RBBP4: variants seen among roughly 807,000 people sequenced by gnomAD.
RBBP4 encodes RB binding protein 4, chromatin remodeling factor.
In RBBP4, 3 loss-of-function variants were observed where a neutral mutation model predicts 57.2. The observed-to-expected ratio is 0.05, with a 90% CI of 0.02 to 0.14. RBBP4 has a LOEUF of 0.14. Among genes scored for constraint, RBBP4 ranks in the 10% least tolerant of loss-of-function variants. RBBP4 has a pLI of 1.00. For missense variants in RBBP4, 107 were observed against 520.6 expected, an observed-to-expected ratio of 0.21 and a Z score of 7.73; for synonymous variants, 151 against 171.5, an observed-to-expected ratio of 0.88 and a Z score of 0.93.
chr1:32,662,280 C>T (rs775235408), intron 3 of RBBP4: 38 of 282,506 alleles, frequency 1.3e-4, no homozygotes, highest in Admixed American at 1.5e-4. Context: ...CTGCAGCCTC[C>T]GCCTCCTGGG....
intron 9 of RBBP4, 41 bp from the exon 10 acceptor site, chr1:32,672,601 G>A (rs1648924838): frequency 6.2e-7 from 1 of 1,605,794 alleles, no homozygotes; most frequent in African/African-American, 1.3e-5. Flanking sequence ...GTTACTAAGG[G>A]TAAATCTGTT....
intron 3 of RBBP4, among the ~76,000 whole-genome samples, chr1:32,666,016 G>A (rs1341977073): frequency 6.6e-6 from 1 of 152,160 alleles, no homozygotes; most frequent in Non-Finnish European, 1.5e-5. Context: ...AACTCTCTAA[G>A]TGCACATAGT....
At chr1:32,679,196 C>T (rs1472707001) in intron 11 of RBBP4, among the ~76,000 whole-genome samples, 1 of 152,132 alleles carries the variant, frequency 6.6e-6, no homozygotes, top group African/African-American at 2.4e-5. Context: ...ACTCTGGAGG[C>T]TGAGGCAGGA....
rs1470526974 is a variant in RBBP4, at chr1:32,652,069, G to C, written c.164+8G>C. 22 of 1,608,922 alleles carry C rather than the reference G, an allele frequency of 1.4e-5. No individual in the cohort carries two copies. In the Admixed American group the frequency reaches 3.7e-4, roughly 27 times the overall value. On this transcript the variant is annotated splice_region_variant and intron_variant, in intron 2 of 11. Transcript: ENST00000373493. ...GCTTCCAGATGTAACCAGGTGACAT[G>C]ACTCTCCCGAACGTTATTTTGATGT...
At position 32,668,210 on chromosome 1, in the gene RBBP4, T is replaced by C; in HGVS notation, c.311-15T>C. ...GCTCTTGTTTTGTCCTCATTTGCAATTAATTTATTCACAGAATTTGGAGGT... is the reference window on the plus strand; with the variant it reads ...GCTCTTGTTTTGTCCTCATTTGCAACTAATTTATTCACAGAATTTGGAGGT... On this transcript the variant is annotated splice_polypyrimidine_tract_variant and intron_variant, in intron 3 of 11. Coordinates refer to ENST00000373493, the MANE Select transcript of RBBP4 (RefSeq NM_005610.3). The C allele has an allele frequency of 6.2e-7, 1 of 1,605,854 alleles. No individual in the cohort carries two copies.
intron 3 of RBBP4, among the ~76,000 whole-genome samples, chr1:32,663,914 T>C (rs1270719459): frequency 7.9e-6 from 1 of 126,460 alleles, no homozygotes; most frequent in Non-Finnish European, 1.7e-5. Flanking sequence ...ATTTCTTTTT[T>C]TAACCTGTCA....
chr1:32,675,541 G>A (rs867807358), intron 11 of RBBP4, among the ~76,000 whole-genome samples: 13 of 149,358 alleles, frequency 8.7e-5, no homozygotes, highest in Middle Eastern at 3.9e-3. Flanking sequence ...AGGCCGAGGC[G>A]GGTGGATCAC....
rs1387536007 is a variant in RBBP4, at chr1:32,682,488, G to A, written c.*2783G>A. The A allele has an allele frequency of 6.6e-6, 1 of 151,930 alleles. No individual in the cohort carries two copies. The highest frequency in any genetic ancestry group is 1.9e-4 in the East Asian group (1 of 5,160). The allele number at this position is 151,930 out of a possible 1,614,324, so 9.4% of individuals were successfully genotyped here. A position where few individuals can be genotyped will look rare whatever the true frequency, so the allele number is the denominator to read the frequency against. On this transcript the variant is annotated 3_prime_UTR_variant, in exon 12 of 12. Coordinates refer to ENST00000373493, the MANE Select transcript of RBBP4 (RefSeq NM_005610.3). Reference sequence around the variant, plus strand: ...TTAGAAAAAGCAACAATAGTTACTTGTGGGCCAGGCGCGGTGGTTCACGCC... The same window carrying A: ...TTAGAAAAAGCAACAATAGTTACTTATGGGCCAGGCGCGGTGGTTCACGCC...
chr1:32,678,341 C>T (rs1649207231), intron 11 of RBBP4, among the ~76,000 whole-genome samples: 1 of 151,848 alleles, frequency 6.6e-6, no homozygotes, highest in African/African-American at 2.4e-5. Flanking sequence ...ATTCTCCTGC[C>T]TTAGCCTCCC....
At position 32,669,616 on chromosome 1, in the gene RBBP4, C is replaced by A; in HGVS notation, c.966+53C>A. ...TTTGTTTTAAGAAAAACCTGCTGGGCGCGGTCGCTCACGCCTGTAATCCCA... is the reference window on the plus strand; with the variant it reads ...TTTGTTTTAAGAAAAACCTGCTGGGAGCGGTCGCTCACGCCTGTAATCCCA... On this transcript the variant is annotated intron_variant, in intron 8 of 11. Transcript: ENST00000373493. This position sits in a 1 kb window ranked among gnomAD's most constrained non-coding sequence, Gnocchi z 4.9. 5 of 1,564,384 alleles carry A rather than the reference C, an allele frequency of 3.2e-6. No individual in the cohort carries two copies. Among genetic ancestry groups the A allele is most frequent in the Non-Finnish European group, 4.3e-6 (5 of 1,159,172 alleles).
rs1254392169 is a variant in RBBP4 at position 32,669,870 on chromosome 1, G to A, written c.966+307G>A. ...TGTGCCACTGCACTCTAGCCTGGGC[G>A]ACAGAACGAGAGTCCGTCTCAAAAA... On this transcript the variant is annotated intron_variant, in intron 8 of 11. Transcript: ENST00000373493. The surrounding 1 kb of genome is among the most constrained non-coding windows in gnomAD (Gnocchi z 4.9). Among the ~76,000 whole-genome samples the A allele has an allele frequency of 1.4e-5, 2 of 146,484 alleles. No individual in the cohort carries two copies. The highest frequency in any genetic ancestry group is 2.5e-5 in the African/African-American group (1 of 39,696).
In RBBP4 at chr1:32,685,281, A is replaced by AT. The variant is rs1317453295; in HGVS notation, c.*5578dup. On this transcript the variant is annotated 3_prime_UTR_variant, in exon 12 of 12. Coordinates refer to ENST00000373493, the MANE Select transcript of RBBP4 (RefSeq NM_005610.3). ...TTCTTCCAGAATCAGGCTGGGATGC[A>AT]TTCTGTAAATTTTCCCTGCCTAGGA... 1.3e-5 allele frequency: 2 copies of AT among 152,192 alleles called. No homozygotes were observed. The highest frequency in any genetic ancestry group is 6.5e-5 in the Admixed American group (1 of 15,268). 9.4% of individuals were successfully genotyped at this position (152,192 alleles called of 1,614,324 possible).
At chr1:32,652,871 G>A (rs1647935247) in intron 2 of RBBP4, among the ~76,000 whole-genome samples, 1 of 152,134 alleles carries the variant, frequency 6.6e-6, no homozygotes, top group African/African-American at 2.4e-5. Flanking sequence ...TTGAATTCTC[G>A]TAGTATGTCA....
At chr1:32,658,991 ATT>A (rs1227605649) in intron 3 of RBBP4, among the ~76,000 whole-genome samples, 4 of 136,990 alleles carry the variant, frequency 2.9e-5, no homozygotes, top group African/African-American at 2.5e-5. Flanking sequence ...GCGTGTATAT[ATT>A]GTGTGTAAAA....
chr1:32,652,085 A>C, intron 2 of RBBP4, 24 bp downstream of exon 2: 1 of 1,594,168 alleles, frequency 6.3e-7, no homozygotes, highest in Non-Finnish European at 8.6e-7. Context: ...CCCGAACGTT[A>C]TTTTGATGTA....
At chr1:32,676,096 G>A (rs1649091366) in intron 11 of RBBP4, among the ~76,000 whole-genome samples, 1 of 152,068 alleles carries the variant, frequency 6.6e-6, no homozygotes, top group African/African-American at 2.4e-5. Context: ...GATCCCTTGA[G>A]GCCAGGAGTT....
In RBBP4 at chr1:32,651,978, C is replaced by T. The variant is rs1320347093; in HGVS notation, c.81C>T (p.Asn27=). 1.9e-6 allele frequency: 3 copies of T among 1,613,762 alleles called. No homozygotes were observed. Among genetic ancestry groups the T allele is most frequent in the South Asian group, 2.2e-5 (2 of 91,070 alleles). ...AGGAATACAAAATATGGAAAAAGAA[C>T]ACCCCTTTTCTTTATGATTTGGTGA... ...INEEYKIWKK[N]TPFLYDLVMT... Residue 27 remains asparagine (N), a synonymous_variant, in exon 2 of 12, where the codon AAC becomes AAT. Transcript: ENST00000373493.
At chr1:32,653,637 G>GTTTTTTTTTTTTTTTTTTTTTTTTTTTTT (rs1053666893) in intron 2 of RBBP4, among the ~76,000 whole-genome samples, 1 of 20,776 alleles carries the variant, frequency 4.8e-5, no homozygotes, top group African/African-American at 8.1e-5. Flanking sequence ...TTGTTTTCTG[G>GTTTTTTTTTTTTTTTTTTTTTTTTTTTTT]TTTTTTTTTT....
chr1:32,662,498 TC>T (rs1648468005), intron 3 of RBBP4, among the ~76,000 whole-genome samples: 1 of 151,826 alleles, frequency 6.6e-6, no homozygotes, highest in Non-Finnish European at 1.5e-5. Context: ...TGTCTCAGCC[TC>T]CCGAGTAGCT....
Sources: allele counts gnomAD v4.1 joint callset (sites outside exome capture counted in the v4.1 genomes callset), GRCh38; gene constraint gnomAD v4.1.1; non-coding constraint Gnocchi (gnomAD v3.1); transcripts MANE v1.5; gene names NCBI Gene and HGNC (gene_info 2026-07-23, HGNC 2026-07-21).